Variants in ABCA13 observed in about 807,000 individuals in gnomAD.
ABCA13 encodes ATP-binding cassette sub-family A member 13.
In ABCA13, 476 loss-of-function variants were observed where a neutral mutation model predicts 478.7. The ratio of observed to expected loss-of-function variants is 0.99; its 90% CI spans 0.92 to 1.07. ABCA13 has a LOEUF of 1.07. Among genes scored for constraint, ABCA13 ranks in the 50% least tolerant of loss-of-function variants. The pLI is 0.00. For missense variants in ABCA13, 6,060 were observed against 5,910.6 expected (o/e 1.03, Z -0.83); for synonymous variants, 2,252 against 2,158.9 (o/e 1.04, Z -1.20).
intron 22 of ABCA13, 131 bp downstream of exon 22, chr7:48,297,442 CTGGTATGAT>C (rs2128837914): frequency 1.1e-6 from 1 of 913,676 alleles, no homozygotes; most frequent in East Asian, 2.7e-5. Flanking sequence ...TACAACTTGG[CTGGTATGAT>C]GTATTTGGCA....
chr7:48,248,189 C>T, intron 13 of ABCA13, 50 bp from the exon 14 acceptor site: 1 of 1,489,162 alleles, frequency 6.7e-7, no homozygotes, highest in South Asian at 1.2e-5. Flanking sequence ...CAAATACCCA[C>T]ATCTGAATTG....
chr7:48,253,337 T>G (rs1792863653), intron 15 of ABCA13, among the ~76,000 whole-genome samples: 2 of 152,142 alleles, frequency 1.3e-5, no homozygotes, highest in Admixed American at 1.3e-4. Context: ...AGCCAAATAT[T>G]GCCAGCAAGT....
intron 56 of ABCA13, among the ~76,000 whole-genome samples, 154 bp downstream of exon 56, chr7:48,580,528 T>C (rs1788608799): frequency 6.6e-6 from 1 of 152,190 alleles, no homozygotes; most frequent in African/African-American, 2.4e-5. Context: ...ATGATTATAC[T>C]GAAGAAAACA....
intron 55 of ABCA13, among the ~76,000 whole-genome samples, chr7:48,549,809 G>T (rs6583451): frequency 0.45 from 68,329 of 151,494 alleles, 18,884 homozygotes; most frequent in African/African-American, 0.76. Context: ...ATTTCTCTAA[G>T]GATCAGTGAT....
intron 41 of ABCA13, among the ~76,000 whole-genome samples, chr7:48,414,390 C>T (rs1470905197): frequency 6.6e-6 from 1 of 152,058 alleles, no homozygotes. Flanking sequence ...TTTCTGCCCA[C>T]CTCTATAGCA....
At chr7:48,347,067 G>A (rs1381745466) in intron 29 of ABCA13, among the ~76,000 whole-genome samples, 1 of 152,110 alleles carries the variant, frequency 6.6e-6, no homozygotes, top group African/African-American at 2.4e-5. Flanking sequence ...TTTCATCACA[G>A]CCATTGCATA....
chr7:48,173,674 C>A (rs1794457490), intron 1 of ABCA13, among the ~76,000 whole-genome samples: 1 of 152,228 alleles, frequency 6.6e-6, no homozygotes, highest in Non-Finnish European at 1.5e-5. Flanking sequence ...AGAAACAACA[C>A]AAGTGGTTCC....
chr7:48,333,189 G>A (rs377231801), intron 27 of ABCA13, among the ~76,000 whole-genome samples: 1 of 152,116 alleles, frequency 6.6e-6, no homozygotes, highest in Non-Finnish European at 1.5e-5. Context: ...CAGCTGTCAG[G>A]TTCAGTGGTT....
intron 47 of ABCA13, 27 bp from the exon 48 acceptor site, chr7:48,489,209 G>A (rs1324220240): frequency 6.5e-7 from 1 of 1,546,542 alleles, no homozygotes; most frequent in South Asian, 1.2e-5. Context: ...TTTCGTGAGA[G>A]CCATTAAATT....
At chr7:48,591,612 A>G (rs1331628725) in intron 57 of ABCA13, among the ~76,000 whole-genome samples, 2 of 151,974 alleles carry the variant, frequency 1.3e-5, no homozygotes, top group Admixed American at 1.3e-4. Flanking sequence ...ATGTACATGG[A>G]TAGCTCTCCA....
Position 48,278,490 on chromosome 7 carries a change from C to A in ABCA13, c.7296C>A (p.His2432Gln), listed in dbSNP as rs1434141025. ...EMARLLDTIL[H>Q]SPNKDFYALY... ...CAAGACTTCTGGATACAATTTTACACTCTCCTAATAAGGACTTCTATGCTT... is the reference window on the plus strand; with the variant it reads ...CAAGACTTCTGGATACAATTTTACAATCTCCTAATAAGGACTTCTATGCTT... The change falls in exon 18 of 62, where the codon CAC becomes CAA. Residue 2432 changes from histidine to glutamine, a missense_variant. His to Gln is a conservative substitution (Grantham distance 24). This residue lies in a region of ABCA13 where 4,423 missense variants were observed against 4,309.1 expected (regional missense o/e 1.03). Coordinates refer to ENST00000435803, the MANE Select transcript of ABCA13 (RefSeq NM_152701.5). 20 of 1,613,864 alleles carry A rather than the reference C, an allele frequency of 1.2e-5. No individual in the cohort carries two copies. Among genetic ancestry groups the A allele is most frequent in the Non-Finnish European group, 1.6e-5 (19 of 1,179,882 alleles).
rs543321854 is a variant in ABCA13 at position 48,482,334 on chromosome 7, G to A, written c.13095-742G>A. ...TTGAGTGAAAGATTAAAGAAATAGAGTAGGGAAGACAAACCAGAGTGGCTC... is the reference window on the plus strand; with the variant it reads ...TTGAGTGAAAGATTAAAGAAATAGAATAGGGAAGACAAACCAGAGTGGCTC... On this transcript the variant is annotated intron_variant, in intron 46 of 61. Coordinates refer to ENST00000435803, the MANE Select transcript of ABCA13 (RefSeq NM_152701.5). 7.3e-4 allele frequency among the ~76,000 whole-genome samples: 111 copies of A among 152,150 alleles called. 3 individuals are homozygous for A. In the South Asian group the frequency reaches 0.019, roughly 26 times the overall value.
intron 47 of ABCA13, among the ~76,000 whole-genome samples, chr7:48,487,796 G>A (rs1286272652): frequency 6.6e-6 from 1 of 152,140 alleles, no homozygotes; most frequent in African/African-American, 2.4e-5. Flanking sequence ...CTGTGTGTGA[G>A]GGGGCAGGGT....
chr7:48,430,269 T>C (rs1303299092), intron 42 of ABCA13, among the ~76,000 whole-genome samples: 1 of 152,212 alleles, frequency 6.6e-6, no homozygotes, highest in Non-Finnish European at 1.5e-5. Context: ...TTTCAGTGTT[T>C]TATGTCTTTC....
rs535483236 is a variant in ABCA13, at chr7:48,292,830, G to A, written c.8956-2870G>A. Among the ~76,000 whole-genome samples, 202 of 152,274 alleles carry A rather than the reference G, an allele frequency of 1.3e-3. 2 individuals are homozygous for A. Among genetic ancestry groups the A allele is most frequent in the African/African-American group, 4.5e-3 (187 of 41,562 alleles). On this transcript the variant is annotated intron_variant, in intron 20 of 61. Transcript: ENST00000435803. ...GTCTGCTGGTAGTGTTCCTGCACTG[G>A]GTTGTGAACCTCATGGAGGTAGGAG...
intron 5 of ABCA13, 73 bp from the exon 6 acceptor site, chr7:48,227,189 C>A: frequency 1.3e-6 from 2 of 1,534,542 alleles, no homozygotes; most frequent in Non-Finnish European, 1.8e-6. Flanking sequence ...ACCTTTGTAG[C>A]ATCTGTCTGT....
chr7:48,597,211 A>C (rs1035091634), intron 58 of ABCA13, among the ~76,000 whole-genome samples: 1 of 152,136 alleles, frequency 6.6e-6, no homozygotes, highest in South Asian at 2.1e-4. Flanking sequence ...GGGCCTCCCA[A>C]AGTGCTGGGA....
chr7:48,268,876 CA>C, intron 15 of ABCA13, 103 bp from the exon 16 acceptor site: 1 of 165,124 alleles, frequency 6.1e-6, no homozygotes, highest in Non-Finnish European at 1.1e-5. Flanking sequence ...TTTTTTTTAA[CA>C]TTTTCAACCA....
At chr7:48,484,672 A>G (rs1829111843) in intron 47 of ABCA13, among the ~76,000 whole-genome samples, 1 of 152,154 alleles carries the variant, frequency 6.6e-6, no homozygotes, top group Non-Finnish European at 1.5e-5. Flanking sequence ...CTTTGTTTAG[A>G]TGAGTCTTCT....
Sources: allele counts gnomAD v4.1 joint callset (sites outside exome capture counted in the v4.1 genomes callset), GRCh38; gene constraint gnomAD v4.1.1; regional missense constraint gnomAD v4.1.1; transcripts MANE v1.5; gene names NCBI Gene and HGNC (gene_info 2026-07-23, HGNC 2026-07-21).